The following KCNK2 variants were observed in gnomAD, a reference collection of about 807,000 sequenced individuals.
KCNK2 encodes the protein potassium two pore domain channel subfamily K member 2, also known as potassium channel subfamily K member 2.
Under a neutral mutation model 40.5 loss-of-function variants are expected in KCNK2, and 21 were observed. That is an observed-to-expected ratio of 0.52 (90% CI 0.37 to 0.75). The LOEUF is 0.75. Ranked by LOEUF, KCNK2 falls within the 30% of genes least tolerant of loss-of-function variation. The pLI is 0.00. For missense variants in KCNK2, 399 were observed against 531.6 expected (o/e 0.75, Z 2.45); for synonymous variants, 191 against 202.2 (o/e 0.94, Z 0.47).
chr1:215,056,308 C>CA (rs71167804), intron 1 of KCNK2, among the ~76,000 whole-genome samples: 9,290 of 121,418 alleles, frequency 0.077, 851 homozygotes, highest in African/African-American at 0.21. Context: ...AACTCCATCT[C>CA]AAAAAAAAAA....
At chr1:215,094,160 A>G (rs1161377696) in intron 2 of KCNK2, among the ~76,000 whole-genome samples, 1 of 150,828 alleles carries the variant, frequency 6.6e-6, no homozygotes, top group Non-Finnish European at 1.5e-5. Context: ...ATTTATGGAG[A>G]GATAACATGC....
intron 4 of KCNK2, among the ~76,000 whole-genome samples, chr1:215,171,311 A>G (rs4655278): frequency 0.77 from 116,840 of 151,902 alleles, 45,230 homozygotes; most frequent in Non-Finnish European, 0.79. Context: ...TGGCCTAGGG[A>G]TATTGAAGAC....
chr1:215,090,805 T>A (rs1251768319), intron 2 of KCNK2, among the ~76,000 whole-genome samples: 1 of 152,224 alleles, frequency 6.6e-6, no homozygotes, highest in African/African-American at 2.4e-5. Flanking sequence ...GTGAAGAAAC[T>A]GACATGTTTG....
intron 6 of KCNK2, among the ~76,000 whole-genome samples, chr1:215,232,702 T>A (rs1666718770): frequency 6.6e-6 from 1 of 152,152 alleles, no homozygotes; most frequent in African/African-American, 2.4e-5. Flanking sequence ...ACATATTTTT[T>A]AAGATAACAC....
intron 2 of KCNK2, among the ~76,000 whole-genome samples, chr1:215,104,665 A>T (rs1358640489): frequency 6.6e-6 from 1 of 152,160 alleles, no homozygotes; most frequent in Non-Finnish European, 1.5e-5. Context: ...AAGTGAGGTT[A>T]TAAATGGATT....
intron 3 of KCNK2, among the ~76,000 whole-genome samples, chr1:215,151,042 G>T (rs1250307198): frequency 6.6e-6 from 1 of 151,918 alleles, no homozygotes; most frequent in Non-Finnish European, 1.5e-5. Context: ...AGTTTTTAAA[G>T]AAATAAAAGA....
chr1:215,226,790 A>T (rs1666403354), intron 6 of KCNK2, among the ~76,000 whole-genome samples: 2 of 152,224 alleles, frequency 1.3e-5, no homozygotes, highest in South Asian at 4.1e-4. Context: ...GATTTAAAAG[A>T]TCTATATATA....
At chr1:215,149,073 A>T (rs1165100923) in intron 3 of KCNK2, among the ~76,000 whole-genome samples, 1 of 152,212 alleles carries the variant, frequency 6.6e-6, no homozygotes, top group East Asian at 1.9e-4. Flanking sequence ...AAACTACAGA[A>T]TATCAAAACT....
At chr1:215,005,751 G>A (rs1250323511), upstream of KCNK2, 11 of 596,072 alleles carry the variant, frequency 1.8e-5, no homozygotes, top group Non-Finnish European at 3.3e-5. Context: ...GAGTGTTTTT[G>A]TACAGGAAAC....
chr1:215,140,190 T>C (rs1275506474), intron 3 of KCNK2, among the ~76,000 whole-genome samples: 10 of 152,174 alleles, frequency 6.6e-5, no homozygotes, highest in Non-Finnish European at 1.5e-4. Flanking sequence ...TACTTGTCAT[T>C]TACAGTGGCT....
intron 6 of KCNK2, among the ~76,000 whole-genome samples, chr1:215,208,580 G>A (rs1665417034): frequency 6.6e-6 from 1 of 152,070 alleles, no homozygotes; most frequent in Non-Finnish European, 1.5e-5. Flanking sequence ...AACCACTCTA[G>A]TTTTGCTATT....
intron 6 of KCNK2, among the ~76,000 whole-genome samples, chr1:215,226,483 G>A (rs1484070376): frequency 1.3e-5 from 2 of 152,018 alleles, no homozygotes; most frequent in Non-Finnish European, 2.9e-5. Flanking sequence ...GTGCCATCAC[G>A]CCTGGCTAAT....
intron 1 of KCNK2, among the ~76,000 whole-genome samples, chr1:215,070,196 G>A (rs1458330718): frequency 6.6e-6 from 1 of 151,770 alleles, no homozygotes; most frequent in Non-Finnish European, 1.5e-5. Flanking sequence ...GGATCACAAG[G>A]TCAGCAGATC....
chr1:215,091,499 G>T (rs1411011105), intron 2 of KCNK2, among the ~76,000 whole-genome samples: 1 of 152,134 alleles, frequency 6.6e-6, no homozygotes, highest in African/African-American at 2.4e-5. Context: ...ACAAAACATT[G>T]TTTTATATTA....
chr1:215,041,547 C>A (rs1657562418), intron 1 of KCNK2, among the ~76,000 whole-genome samples: 2 of 152,180 alleles, frequency 1.3e-5, no homozygotes, highest in East Asian at 3.8e-4. Flanking sequence ...CTCTATCTAC[C>A]TTACTGTGGA....
At chr1:215,096,188 A>T (rs1232009930) in intron 2 of KCNK2, among the ~76,000 whole-genome samples, 1 of 151,988 alleles carries the variant, frequency 6.6e-6, no homozygotes, top group African/African-American at 2.4e-5. Context: ...ATATATGGAT[A>T]TACCAAGGTG....
chr1:215,128,181 G>A (rs10465699), intron 3 of KCNK2, among the ~76,000 whole-genome samples: 4 of 152,082 alleles, frequency 2.6e-5, no homozygotes, highest in Non-Finnish European at 2.9e-5. Context: ...AGTAGGCATT[G>A]TCCCAGTTGA....
intron 6 of KCNK2, among the ~76,000 whole-genome samples, chr1:215,230,507 G>GTA (rs201898524): frequency 0.033 from 2,131 of 65,292 alleles, 61 homozygotes; most frequent in African/African-American, 0.05. Flanking sequence ...ACACACGGCT[G>GTA]TATATATATA....
At chr1:215,095,672 T>C (rs959323788) in intron 2 of KCNK2, among the ~76,000 whole-genome samples, 3 of 152,170 alleles carry the variant, frequency 2.0e-5, no homozygotes, top group African/African-American at 7.2e-5. Context: ...CCCAGGCTCC[T>C]GTTTTACCCA....
Sources: gnomAD v4.1 joint callset for allele counts (sites outside exome capture counted in the v4.1 genomes callset) on GRCh38, gnomAD v4.1.1 for gene constraint, MANE v1.5 for transcripts, NCBI Gene and HGNC (gene_info 2026-07-23, HGNC 2026-07-21) for gene names.